NECAB2: variants seen among roughly 807,000 people sequenced by gnomAD.
NECAB2 encodes the protein N-terminal EF-hand calcium-binding protein 2.
NECAB2 carries 68 observed loss-of-function variants against 51.9 expected under a neutral mutation model. The observed-to-expected ratio is 1.31, with a 90% CI of 1.08 to 1.60. The LOEUF is 1.60. NECAB2 is among the 40% of genes most tolerant of loss of function. NECAB2 has a pLI of 0.00. For missense variants in NECAB2, 854 were observed against 490.3 expected (o/e 1.74, Z -7.00); for synonymous variants, 329 against 203.5 (o/e 1.62, Z -5.25).
intron 10 of NECAB2, among the ~76,000 whole-genome samples, chr16:83,998,519 C>T (rs559316437): frequency 6.6e-6 from 1 of 152,266 alleles, no homozygotes; most frequent in Admixed American, 6.5e-5. Context: ...CTTCATCTCC[C>T]TGGCATCAGC....
At chr16:83,995,859 G>A (rs1002783313) in intron 8 of NECAB2, among the ~76,000 whole-genome samples, 2 of 152,174 alleles carry the variant, frequency 1.3e-5, no homozygotes, top group South Asian at 2.1e-4. Context: ...CTGCGGGAGC[G>A]GCTCGGAGGG....
chr16:83,975,904 G>A (rs2084403242), intron 2 of NECAB2, among the ~76,000 whole-genome samples: 1 of 152,200 alleles, frequency 6.6e-6, no homozygotes, highest in African/African-American at 2.4e-5. Context: ...CCTACGTAGG[G>A]CATGTTTTTT....
intron 5 of NECAB2, among the ~76,000 whole-genome samples, chr16:83,981,606 A>G (rs529191160): frequency 3.8e-4 from 58 of 152,244 alleles, no homozygotes; most frequent in African/African-American, 1.4e-3. Flanking sequence ...TCTCACAGCT[A>G]TGGAAACAGA....
chr16:83,985,789 A>T (rs889857134), intron 5 of NECAB2, among the ~76,000 whole-genome samples: 2 of 150,954 alleles, frequency 1.3e-5, no homozygotes, highest in African/African-American at 4.9e-5. Flanking sequence ...AAAGGTTTCT[A>T]CTCTATTTTT....
At chr16:83,997,319 A>G in intron 9 of NECAB2, 50 bp downstream of exon 9, 1 of 1,610,746 alleles carries the variant, frequency 6.2e-7, no homozygotes, top group East Asian at 2.2e-5. Context: ...TACCCATGCC[A>G]GGACTGCCAA....
intron 10 of NECAB2, among the ~76,000 whole-genome samples, chr16:83,999,034 C>T (rs1030932984): frequency 4.2e-4 from 64 of 152,174 alleles, no homozygotes; most frequent in Admixed American, 5.2e-4. Context: ...TTTCTTCCAT[C>T]CCCAGAGCAC....
At chr16:83,965,911 G>C, upstream of NECAB2, 1 of 1,612,806 alleles carries the variant, frequency 6.2e-7, no homozygotes, top group Non-Finnish European at 8.5e-7. Context: ...ACGCCATGGG[G>C]CCGCTGGCCG....
In NECAB2 at chr16:83,968,581, G is replaced by A. The variant is rs1395108097; in HGVS notation, c.-68G>A. ...GCGCGGGCAGCGCGGGGAGGGGGTC[G>A]CGCGGGGGCGGGCCGCAGCTGGGCG... On this transcript the variant is annotated 5_prime_UTR_variant, in exon 1 of 13. Transcript: ENST00000305202. 2 of 968,774 alleles carry A rather than the reference G, an allele frequency of 2.1e-6. No individual in the cohort carries two copies. Among genetic ancestry groups the A allele is most frequent in the Non-Finnish European group, 2.4e-6 (2 of 818,008 alleles). 60.0% of individuals were successfully genotyped at this position (968,774 alleles called of 1,614,324 possible).
chr16:83,994,113 G>A (rs531920243), intron 6 of NECAB2, among the ~76,000 whole-genome samples, 189 bp from the exon 7 acceptor site: 8 of 152,320 alleles, frequency 5.3e-5, no homozygotes, highest in African/African-American at 1.4e-4. Context: ...AGCTAGCTGC[G>A]TGGCCCTGGC....
rs1016010015 is a variant in NECAB2 at position 83,997,269 on chromosome 16, G to C, written c.849G>C (p.Met283Ile). 1.2e-6 allele frequency: 2 copies of C among 1,614,058 alleles called. No homozygotes were observed. The highest frequency in any genetic ancestry group is 8.5e-7 in the Non-Finnish European group (1 of 1,180,004). The change falls in exon 9 of 13, where the codon ATG becomes ATC. Residue 283 changes from methionine to isoleucine, a missense_variant and splice_region_variant. Met to Ile is a conservative substitution (Grantham distance 10). Coordinates refer to ENST00000305202, the MANE Select transcript of NECAB2 (RefSeq NM_019065.3). ...TGTCAGATGAAGATGGCACCAACAT[G>C]GTGAGGCCCCTTCCCACCTCTCTTC... ...QRLSDEDGTN[M>I]HLQLVRQEMA...
At chr16:83,996,268 C>G (rs1180264561) in intron 8 of NECAB2, among the ~76,000 whole-genome samples, 1 of 152,190 alleles carries the variant, frequency 6.6e-6, no homozygotes, top group African/African-American at 2.4e-5. Context: ...AGACTTGTTC[C>G]TGCCAGGCAC....
chr16:83,990,363 C>T (rs544617651), intron 5 of NECAB2, 131 bp from the exon 6 acceptor site: 16 of 1,209,978 alleles, frequency 1.3e-5, no homozygotes, highest in African/African-American at 4.5e-5. Context: ...CCCAGGAGGC[C>T]GTGGGGTCCT....
chr16:83,995,739 G>A (rs959360824), intron 8 of NECAB2, among the ~76,000 whole-genome samples: 7 of 152,150 alleles, frequency 4.6e-5, no homozygotes, highest in Non-Finnish European at 8.8e-5. Flanking sequence ...GGGGCTCCCC[G>A]CATGGAGGGA....
At chr16:83,990,861 C>G (rs887196522) in intron 6 of NECAB2, among the ~76,000 whole-genome samples, 2 of 152,054 alleles carry the variant, frequency 1.3e-5, no homozygotes, top group East Asian at 1.9e-4. Flanking sequence ...AGGAGAATGC[C>G]TGGTGTACAT....
chr16:83,981,533 G>A (rs907843592), intron 5 of NECAB2, among the ~76,000 whole-genome samples: 1 of 152,106 alleles, frequency 6.6e-6, no homozygotes, highest in Non-Finnish European at 1.5e-5. Context: ...TCAGGTTCTC[G>A]ATGCTCAGCA....
chr16:83,983,075 G>T (rs1486788942), intron 5 of NECAB2, among the ~76,000 whole-genome samples: 1 of 152,002 alleles, frequency 6.6e-6, no homozygotes, highest in Non-Finnish European at 1.5e-5. Flanking sequence ...CACCATGTTG[G>T]CCAGGCTGGT....
intron 8 of NECAB2, among the ~76,000 whole-genome samples, chr16:83,996,092 TCAC>T (rs1484768587): frequency 1.3e-5 from 2 of 152,160 alleles, no homozygotes; most frequent in African/African-American, 4.8e-5. Flanking sequence ...GCCCCGCCCT[TCAC>T]CGGCCAACCG....
intron 6 of NECAB2, chr16:83,993,631 TG>T (rs1285450957): frequency 7.4e-6 from 1 of 134,840 alleles, no homozygotes; most frequent in Admixed American, 7.0e-5. Flanking sequence ...TGTGTGTGTG[TG>T]TGTGTGTGTG....
chr16:83,998,955 T>G (rs2084765361), intron 10 of NECAB2, among the ~76,000 whole-genome samples: 1 of 152,130 alleles, frequency 6.6e-6, no homozygotes, highest in Non-Finnish European at 1.5e-5. Context: ...CAGCCCTTTG[T>G]TCTTGCTGGT....
Sources: allele counts gnomAD v4.1 joint callset (sites outside exome capture counted in the v4.1 genomes callset), GRCh38; gene constraint gnomAD v4.1.1; transcripts MANE v1.5; gene names NCBI Gene and HGNC (gene_info 2026-07-23, HGNC 2026-07-21).